The following SLC9C1 variants were observed in gnomAD, a reference collection of about 807,000 sequenced individuals.
The protein encoded by SLC9C1 is solute carrier family 9 member C1.
SLC9C1 carries 97 observed loss-of-function variants against 140.9 expected under a neutral mutation model. The ratio of observed to expected loss-of-function variants is 0.69; its 90% CI spans 0.58 to 0.82. SLC9C1 has a LOEUF of 0.82. Ranked by LOEUF, SLC9C1 falls within the 40% of genes least tolerant of loss-of-function variation. The pLI is 0.00. For missense variants in SLC9C1, 1,340 were observed against 1,389.3 expected (o/e 0.96, Z 0.56); for synonymous variants, 440 against 442.6 (o/e 0.99, Z 0.07).
intron 20 of SLC9C1, among the ~76,000 whole-genome samples, chr3:112,195,539 A>G (rs1253003513): frequency 6.6e-6 from 1 of 151,944 alleles, no homozygotes; most frequent in Non-Finnish European, 1.5e-5. Context: ...GTTGTCCTAT[A>G]TTATTGTCTT....
At chr3:112,197,961 G>A (rs1033547186) in intron 20 of SLC9C1, among the ~76,000 whole-genome samples, 4 of 151,946 alleles carry the variant, frequency 2.6e-5, no homozygotes, top group South Asian at 2.1e-4. Flanking sequence ...ATTTTTTTGG[G>A]GTAGGGAACA....
At chr3:112,215,207 C>T (rs1001875272) in intron 15 of SLC9C1, among the ~76,000 whole-genome samples, 2 of 152,068 alleles carry the variant, frequency 1.3e-5, no homozygotes, top group African/African-American at 4.8e-5. Flanking sequence ...TGGGACGTAT[C>T]TCAAAATAAT....
intron 23 of SLC9C1, among the ~76,000 whole-genome samples, chr3:112,178,738 C>T (rs942793905): frequency 6.6e-6 from 1 of 152,152 alleles, no homozygotes; most frequent in African/African-American, 2.4e-5. Flanking sequence ...TTCATTATAA[C>T]GTTTTCTATT....
At chr3:112,267,957 A>C (rs557782153) in intron 7 of SLC9C1, among the ~76,000 whole-genome samples, 1 of 152,250 alleles carries the variant, frequency 6.6e-6, no homozygotes, top group Non-Finnish European at 1.5e-5. Context: ...GGTCACAGGG[A>C]AAGTCTTTTT....
At chr3:112,157,317 C>T (rs957625653) in intron 26 of SLC9C1, among the ~76,000 whole-genome samples, 5 of 151,792 alleles carry the variant, frequency 3.3e-5, no homozygotes, top group Admixed American at 1.3e-4. Context: ...TTGTTGAAAA[C>T]GAGTTGGCTA....
chr3:112,249,174 A>T (rs527545968), intron 10 of SLC9C1, among the ~76,000 whole-genome samples: 3 of 152,026 alleles, frequency 2.0e-5, no homozygotes, highest in African/African-American at 7.2e-5. Flanking sequence ...GTTGGATTTT[A>T]TCAAAAGCCT....
intron 28 of SLC9C1, among the ~76,000 whole-genome samples, chr3:112,143,503 C>G (rs116227095): frequency 0.024 from 3,636 of 152,158 alleles, 62 homozygotes; most frequent in South Asian, 0.074. Flanking sequence ...ATGATGAGCA[C>G]TTTTTCATGT....
intron 2 of SLC9C1, among the ~76,000 whole-genome samples, chr3:112,284,702 T>C (rs2080454019): frequency 6.6e-6 from 1 of 152,192 alleles, no homozygotes; most frequent in African/African-American, 2.4e-5. Flanking sequence ...AGCTCTCAGA[T>C]ACTTCATTAC....
At chr3:112,289,359 T>C (rs2080611008) in intron 1 of SLC9C1, among the ~76,000 whole-genome samples, 1 of 152,166 alleles carries the variant, frequency 6.6e-6, no homozygotes, top group East Asian at 1.9e-4. Flanking sequence ...GAAGTGAGGG[T>C]TCACTTTAGG....
chr3:112,240,080 GT>G, intron 11 of SLC9C1, 74 bp from the exon 12 acceptor site: 1 of 1,357,956 alleles, frequency 7.4e-7, no homozygotes, highest in Non-Finnish European at 9.9e-7. Context: ...GCTTACTTTT[GT>G]TTTTAACTTA....
chr3:112,240,790 C>T (rs893782084), intron 11 of SLC9C1, among the ~76,000 whole-genome samples: 2 of 152,202 alleles, frequency 1.3e-5, no homozygotes, highest in Non-Finnish European at 2.9e-5. Flanking sequence ...TTCTAGAATA[C>T]ATCCAGTTTC....
intron 10 of SLC9C1, among the ~76,000 whole-genome samples, chr3:112,252,148 T>C (rs2079477331): frequency 6.6e-6 from 1 of 152,144 alleles, no homozygotes; most frequent in African/African-American, 2.4e-5. Flanking sequence ...TGGGCCACCA[T>C]CTTTGCTGTT....
Position 112,164,835 on chromosome 3 carries a change from G to T in SLC9C1, c.3364+2386C>A, listed in dbSNP as rs140096302. Among the ~76,000 whole-genome samples the T allele has an allele frequency of 1.0e-3, 153 of 152,208 alleles. 3 individuals are homozygous for T. The East Asian group carries it at 0.013, about 13-fold the overall frequency. On this transcript the variant is annotated intron_variant, in intron 26 of 28. Transcript: ENST00000305815. ...ATGTTGGCTGCCCTGCTAGATTGGG[G>T]AAGTTCTCCTGGATAATATCCTGCA...
Position 112,244,077 on chromosome 3 carries a change from C to A in SLC9C1, c.1198-1G>T. 6.4e-7 allele frequency: 1 copy of A among 1,573,158 alleles called. No homozygotes were observed. Among genetic ancestry groups the A allele is most frequent in the Non-Finnish European group, 8.7e-7 (1 of 1,154,982 alleles). ...ATACTAACACTCCATGAAATAATATCTAGAATTGAAAAAAATACAAAGTAA... is the reference window on the plus strand; with the variant it reads ...ATACTAACACTCCATGAAATAATATATAGAATTGAAAAAAATACAAAGTAA... On this transcript the variant is annotated splice_acceptor_variant, in intron 10 of 28. Coordinates refer to ENST00000305815, the MANE Select transcript of SLC9C1 (RefSeq NM_183061.3). LOFTEE classifies it high-confidence loss of function.
rs545796999 is a variant in SLC9C1, at chr3:112,194,348, C to T, written c.2523+4973G>A. On this transcript the variant is annotated intron_variant, in intron 20 of 28. Coordinates refer to ENST00000305815, the MANE Select transcript of SLC9C1 (RefSeq NM_183061.3). ...AGATGGGGCTGCAGAAGCAGGGTGA[C>T]TCCATGTGACTTCCTGGGCTTTCCA... Among the ~76,000 whole-genome samples the T allele has an allele frequency of 5.9e-5, 9 of 152,298 alleles. No homozygotes were observed. The South Asian group carries it at 1.9e-3, about 32-fold the overall frequency.
At position 112,286,784 on chromosome 3, in the gene SLC9C1, C is replaced by A. The variant is rs377149936; in HGVS notation, c.8G>T (p.Gly3Val). ...ACTGAAAAAAAACTCCTTAAATATT[C>A]CAGCCATGTTTCAGAAAAATTTTTA... Reference protein sequence around the residue: MAGIFKEFFFSTE... With the variant: MAVIFKEFFFSTE... Residue 3 changes from glycine to valine, a missense_variant, in exon 2 of 29, where the codon GGA becomes GTA. Physicochemically the swap from Gly to Val is moderately radical, Grantham distance 109. Transcript: ENST00000305815. 6 of 1,610,420 alleles carry A rather than the reference C, an allele frequency of 3.7e-6. No individual in the cohort carries two copies. In the African/African-American group the frequency reaches 8.0e-5, roughly 22 times the overall value.
intron 7 of SLC9C1, among the ~76,000 whole-genome samples, chr3:112,267,774 G>A (rs9859163): frequency 0.3 from 44,842 of 151,786 alleles, 6,802 homozygotes; most frequent in East Asian, 0.36. Context: ...GCTGAAAATG[G>A]TAACAAAGGC....
intron 10 of SLC9C1, among the ~76,000 whole-genome samples, chr3:112,259,104 A>T (rs1354183313): frequency 1.3e-5 from 2 of 152,154 alleles, no homozygotes; most frequent in Non-Finnish European, 2.9e-5. Flanking sequence ...CCACATTAGA[A>T]TATTATGCAG....
chr3:112,276,366 G>GTA (rs138208377), intron 5 of SLC9C1, among the ~76,000 whole-genome samples: 29,344 of 141,946 alleles, frequency 0.21, 3,193 homozygotes, highest in Middle Eastern at 0.27. Flanking sequence ...AATTTTTCAA[G>GTA]TATATATATA....
Sources: allele counts gnomAD v4.1 joint callset (sites outside exome capture counted in the v4.1 genomes callset), GRCh38; gene constraint gnomAD v4.1.1; transcripts MANE v1.5; gene names NCBI Gene and HGNC (gene_info 2026-07-23, HGNC 2026-07-21).